Variants in DOCK9 observed in about 807,000 individuals in gnomAD.
DOCK9 encodes dedicator of cytokinesis protein 9.
A neutral mutation model predicts 263.3 loss-of-function variants in DOCK9; 89 were observed. That is an observed-to-expected ratio of 0.34 (90% CI 0.28 to 0.40). The LOEUF (loss-of-function observed/expected upper bound fraction) is 0.40. Ranked by LOEUF, DOCK9 falls within the 10% of genes least tolerant of loss-of-function variation. The pLI is 1.00. For synonymous variants in DOCK9, 976 were observed against 973.1 expected (o/e 1.00, Z -0.06); for missense variants, 2,140 against 2,603.4 (o/e 0.82, Z 3.87).
At chr13:98,973,463 A>G (rs6491473) in intron 1 of DOCK9, among the ~76,000 whole-genome samples, 96,231 of 152,062 alleles carry the variant, frequency 0.63, 30,811 homozygotes, top group East Asian at 0.9. Flanking sequence ...AAGTACTCGC[A>G]CTGCCTTCTC....
At chr13:99,041,383 T>A (rs1888442806) in intron 1 of DOCK9, among the ~76,000 whole-genome samples, 2 of 152,068 alleles carry the variant, frequency 1.3e-5, no homozygotes, top group South Asian at 4.2e-4. Context: ...ACTTAGGAAG[T>A]TGAGGCAGAG....
chr13:98,982,389 A>T (rs538129710), upstream of DOCK9, among the ~76,000 whole-genome samples: 1 of 152,326 alleles, frequency 6.6e-6, no homozygotes, highest in East Asian at 1.9e-4. Flanking sequence ...CCCAAGACCC[A>T]GTTTAAATAC....
At chr13:99,078,403 A>T (rs2041997332) in intron 1 of DOCK9, among the ~76,000 whole-genome samples, 2 of 152,186 alleles carry the variant, frequency 1.3e-5, no homozygotes, top group African/African-American at 4.8e-5. Context: ...GAGAAGGAGG[A>T]GGAGATGCAG....
At chr13:98,962,526 G>A (rs1310671597) in intron 1 of DOCK9, among the ~76,000 whole-genome samples, 1 of 151,992 alleles carries the variant, frequency 6.6e-6, no homozygotes, top group Non-Finnish European at 1.5e-5. Context: ...GCTGCTGCTG[G>A]ACTCAACTGA....
chr13:98,965,549 C>T (rs1376591088), intron 1 of DOCK9, among the ~76,000 whole-genome samples: 1 of 152,152 alleles, frequency 6.6e-6, no homozygotes, highest in Non-Finnish European at 1.5e-5. Context: ...AGGGACTGCC[C>T]TGGGGTCCCA....
Position 98,883,821 on chromosome 13 carries a change from A to G in DOCK9, c.2461T>C (p.Tyr821His), listed in dbSNP as rs769225832. ...GTTGAAGGAGCACATACCTGAGTATACACTGTAGAAACCAGATGAGTGGAA... is the reference window on the plus strand; with the variant it reads ...GTTGAAGGAGCACATACCTGAGTATGCACTGTAGAAACCAGATGAGTGGAA... The part of the protein sequence containing the change: ...KISTHLVSTV[Y>H]TQDQHLHNFF... Residue 821 changes from tyrosine (Y) to histidine (H), a missense_variant, in exon 22 of 53, where the codon TAT (tyrosine) becomes CAT (histidine). This residue lies in a region of DOCK9 where 1,521 missense variants were observed against 1,741.7 expected (regional missense o/e 0.87). Coordinates refer to ENST00000682017, the MANE Select transcript of DOCK9 (RefSeq NM_001366683.2). 6.2e-7 allele frequency: 1 copy of G among 1,610,032 alleles called. No homozygotes were observed. The highest frequency in any genetic ancestry group is 8.5e-7 in the Non-Finnish European group (1 of 1,178,130).
intron 1 of DOCK9, among the ~76,000 whole-genome samples, chr13:99,060,894 G>A (rs1036923532): frequency 2.0e-5 from 3 of 152,160 alleles, no homozygotes; most frequent in African/African-American, 4.8e-5. Flanking sequence ...TGGCTGGTGT[G>A]TAACAATACT....
At chr13:98,887,143 A>ATATTTTTT (rs1470080750) in intron 18 of DOCK9, among the ~76,000 whole-genome samples, 1 of 95,292 alleles carries the variant, frequency 1.0e-5, no homozygotes, top group African/African-American at 4.3e-5. Context: ...ATATATATAT[A>ATATTTTTT]TTTTTTTTTT....
rs1184796732 is a variant in DOCK9 at position 99,086,432 on chromosome 13, C to A, written c.-81G>T. On this transcript the variant is annotated 5_prime_UTR_variant, in exon 1 of 33. Transcript: ENST00000427887. Reference sequence around the variant, plus strand: ...GCGGCCGCCAGGTGCGCCCTCGGCGCCCGGCCCGCTCCGCCCGCCGCTCCC... The same window carrying A: ...GCGGCCGCCAGGTGCGCCCTCGGCGACCGGCCCGCTCCGCCCGCCGCTCCC... The A allele has an allele frequency of 3.3e-6, 3 of 905,532 alleles. No homozygotes were observed. The African/African-American group carries it at 5.5e-5, about 16-fold the overall frequency. 56.1% of individuals were successfully genotyped at this position (905,532 alleles called of 1,614,324 possible).
intron 1 of DOCK9, among the ~76,000 whole-genome samples, chr13:99,085,095 T>C (rs113824880): frequency 6.6e-6 from 1 of 152,216 alleles, no homozygotes; most frequent in Non-Finnish European, 1.5e-5. Flanking sequence ...AAGCTTCATC[T>C]CCAATCTCCA....
At chr13:99,057,799 C>T (rs1402237717) in intron 1 of DOCK9, among the ~76,000 whole-genome samples, 1 of 152,202 alleles carries the variant, frequency 6.6e-6, no homozygotes, top group Non-Finnish European at 1.5e-5. Context: ...TCAGCAGGCA[C>T]TCGCCTTGGA....
intron 44 of DOCK9, 92 bp downstream of exon 44, chr13:98,826,738 C>T: frequency 9.8e-7 from 1 of 1,022,898 alleles, no homozygotes; most frequent in Non-Finnish European, 1.5e-6. Context: ...CAAATCCCCA[C>T]CTTCCAATCT....
intron 1 of DOCK9, among the ~76,000 whole-genome samples, chr13:99,051,963 G>C (rs2040720327): frequency 6.7e-6 from 1 of 149,006 alleles, no homozygotes; most frequent in Admixed American, 6.7e-5. Context: ...ATATGAAAGA[G>C]AAATCAGTTG....
intron 18 of DOCK9, among the ~76,000 whole-genome samples, chr13:98,887,143 ATTT>A (rs58434344): frequency 1.5e-4 from 14 of 95,192 alleles, no homozygotes; most frequent in South Asian, 3.7e-4. Flanking sequence ...ATATATATAT[ATTT>A]TTTTTTTTTT....
In DOCK9 at chr13:98,829,439, A is replaced by G. The variant is rs759884093; in HGVS notation, c.4833T>C (p.His1611=). The G allele has an allele frequency of 3.1e-6, 5 of 1,613,830 alleles. No homozygotes were observed. Residue 1611 remains histidine (H), a synonymous_variant, in exon 43 of 53, where the codon CAT becomes CAC. Coordinates refer to ENST00000682017, the MANE Select transcript of DOCK9 (RefSeq NM_001366683.2). The surrounding 1 kb of genome is among the most constrained non-coding windows in gnomAD (Gnocchi z 4.1). ...VLMATAQMKE[H]ENDPEMLVDL... ...CCACCAGCATCTCTGGGTCGTTCTCATGCTCCTTCATCTGGGCGGTGGCCA... is the reference window on the plus strand; with the variant it reads ...CCACCAGCATCTCTGGGTCGTTCTCGTGCTCCTTCATCTGGGCGGTGGCCA...
chr13:98,794,452 C>A lies in DOCK9; in HGVS notation c.*174G>T. On this transcript the variant is annotated 3_prime_UTR_variant, in exon 53 of 53. Transcript: ENST00000682017. ...GTGAGATTTAAAAAAATATGTGCAC[C>A]TTCTTACAACTCCTATAGAAAGTCT... 1 of 681,028 alleles carries A rather than the reference C, an allele frequency of 1.5e-6. No homozygotes were observed. Among genetic ancestry groups the A allele is most frequent in the South Asian group, 2.3e-5 (1 of 44,062 alleles). 42.2% of individuals were successfully genotyped at this position (681,028 alleles called of 1,614,324 possible).
chr13:98,960,067 G>T (rs2058467372), intron 1 of DOCK9, among the ~76,000 whole-genome samples: 2 of 152,142 alleles, frequency 1.3e-5, no homozygotes, highest in Non-Finnish European at 1.5e-5. Context: ...CAGACTGCCG[G>T]TCCCCACTAT....
At chr13:98,879,865 T>G in intron 27 of DOCK9, 33 bp downstream of exon 27, 2 of 1,562,494 alleles carry the variant, frequency 1.3e-6, no homozygotes, top group Non-Finnish European at 1.7e-6. Flanking sequence ...TCTTTTCCCC[T>G]AAGAACACAA....
At chr13:98,847,919 G>A (rs1300116300) in intron 37 of DOCK9, among the ~76,000 whole-genome samples, 6 of 152,202 alleles carry the variant, frequency 3.9e-5, no homozygotes, top group Admixed American at 1.3e-4. Flanking sequence ...GAGGTGCTGC[G>A]AAGAAACGCC....
Sources: gnomAD v4.1 joint callset for allele counts (sites outside exome capture counted in the v4.1 genomes callset) on GRCh38, gnomAD v4.1.1 for gene constraint, gnomAD v4.1.1 regional missense constraint, Gnocchi (gnomAD v3.1) non-coding constraint, MANE v1.5 for transcripts, NCBI Gene and HGNC (gene_info 2026-07-23, HGNC 2026-07-21) for gene names.